NRXN3: variants seen among roughly 807,000 people sequenced by gnomAD.
NRXN3 encodes the protein neurexin 3.
NRXN3 carries 32 observed loss-of-function variants against 137.6 expected under a neutral mutation model. That is an observed-to-expected ratio of 0.23 (90% CI 0.18 to 0.31). The LOEUF (loss-of-function observed/expected upper bound fraction) is 0.31. Among genes scored for constraint, NRXN3 ranks in the 10% least tolerant of loss-of-function variants. The pLI is 1.00. For synonymous variants in NRXN3, 798 were observed against 784.5 expected, an observed-to-expected ratio of 1.02 and a Z score of -0.29; for missense variants, 1,574 against 2,062.5, an observed-to-expected ratio of 0.76 and a Z score of 4.59.
intron 4 of NRXN3, among the ~76,000 whole-genome samples, chr14:78,368,130 C>G (rs562308238): frequency 1.3e-5 from 2 of 152,310 alleles, no homozygotes; most frequent in South Asian, 2.1e-4. Flanking sequence ...ATTATTTAGT[C>G]TTTTTACTAA....
intron 10 of NRXN3, among the ~76,000 whole-genome samples, chr14:78,840,033 A>G (rs1269712750): frequency 6.6e-6 from 1 of 152,216 alleles, no homozygotes; most frequent in Non-Finnish European, 1.5e-5. Flanking sequence ...TTGTTTTTCT[A>G]TTCTCAGAAT....
chr14:78,619,295 T>C (rs551801378), intron 4 of NRXN3, among the ~76,000 whole-genome samples: 4 of 152,320 alleles, frequency 2.6e-5, no homozygotes, highest in South Asian at 2.1e-4. Context: ...TTCTTGCTGC[T>C]ATAGACTGAA....
chr14:79,702,246 T>C (rs892268518), intron 19 of NRXN3, among the ~76,000 whole-genome samples: 1 of 152,066 alleles, frequency 6.6e-6, no homozygotes, highest in Non-Finnish European at 1.5e-5. Flanking sequence ...TCTTTGAAAA[T>C]ATGTTCTGTC....
intron 16 of NRXN3, among the ~76,000 whole-genome samples, chr14:79,574,138 C>T (rs1246737964): frequency 6.6e-6 from 1 of 151,752 alleles, no homozygotes; most frequent in East Asian, 1.9e-4. Context: ...ATAAGTAGGC[C>T]AGAATATGAT....
At chr14:78,659,448 G>A (rs1418359100) in intron 6 of NRXN3, among the ~76,000 whole-genome samples, 1 of 152,136 alleles carries the variant, frequency 6.6e-6, no homozygotes, top group Non-Finnish European at 1.5e-5. Context: ...GGAGGCTGAG[G>A]TGGGAGGATT....
At chr14:78,834,108 GA>G (rs2098989692) in intron 10 of NRXN3, among the ~76,000 whole-genome samples, 1 of 152,174 alleles carries the variant, frequency 6.6e-6, no homozygotes, top group Non-Finnish European at 1.5e-5. Flanking sequence ...GTGAACAAGG[GA>G]GGGGTGGTGG....
In NRXN3 at chr14:78,803,662, T is replaced by A; in HGVS notation, c.2087T>A (p.Ile696Asn). Reference protein sequence around the residue: ...LSYDGSMYMKIIMPMVMHTEA... With the variant: ...LSYDGSMYMKNIMPMVMHTEA... ...TATGATGGTAGCATGTACATGAAGA[T>A]CATCATGCCCATGGTCATGCATACT... The change falls in exon 9 of 21, where the codon ATC becomes AAC. Residue 696 changes from isoleucine to asparagine, a missense_variant. Physicochemically the swap from Ile to Asn is moderately radical, Grantham distance 149. This residue lies in a region of NRXN3 where 718 missense variants were observed against 887.6 expected (regional missense o/e 0.81). Coordinates refer to ENST00000335750, the MANE Select transcript of NRXN3 (RefSeq NM_001330195.2). 1 of 1,614,148 alleles carries A rather than the reference T, an allele frequency of 6.2e-7. No homozygotes were observed. The highest frequency in any genetic ancestry group is 8.5e-7 in the Non-Finnish European group (1 of 1,180,006).
intron 19 of NRXN3, among the ~76,000 whole-genome samples, chr14:79,721,681 G>T (rs1174138646): frequency 6.6e-6 from 1 of 152,148 alleles, no homozygotes; most frequent in East Asian, 1.9e-4. Context: ...AAAGTGGCTG[G>T]CTATAAGCAA....
At position 79,866,990 on chromosome 14, in the gene NRXN3, A is replaced by G. The variant is rs1460765524; in HGVS notation, c.*5026A>G. 6.6e-6 allele frequency: 1 copy of G among 152,222 alleles called. No homozygotes were observed. 9.4% of individuals were successfully genotyped at this position (152,222 alleles called of 1,614,324 possible). ...GATCTCTAAATATCAGTAAGGGGTT[A>G]GCTGCCATTAATAATACAACTTTAT... On this transcript the variant is annotated 3_prime_UTR_variant, in exon 21 of 21. Coordinates refer to ENST00000335750, the MANE Select transcript of NRXN3 (RefSeq NM_001330195.2).
chr14:79,825,645 A>G (rs764022095), intron 20 of NRXN3, among the ~76,000 whole-genome samples: 1 of 152,198 alleles, frequency 6.6e-6, no homozygotes, highest in Admixed American at 6.5e-5. Context: ...AACACATCCC[A>G]AAGTGTGTGA....
chr14:79,467,484 C>A, intron 16 of NRXN3, 82 bp downstream of exon 16: 2 of 1,260,742 alleles, frequency 1.6e-6, no homozygotes, highest in South Asian at 1.6e-5. Context: ...GCAGAACATT[C>A]TAGATCAATA....
intron 15 of NRXN3, among the ~76,000 whole-genome samples, chr14:79,024,593 G>C (rs1182701322): frequency 6.6e-6 from 1 of 152,098 alleles, no homozygotes; most frequent in Non-Finnish European, 1.5e-5. Flanking sequence ...GCATTTAGGA[G>C]TTCAGAACAT....
At chr14:79,719,402 G>GTATATATATGTGTGTGTATATA (rs5741998) in intron 19 of NRXN3, among the ~76,000 whole-genome samples, 1,803 of 142,268 alleles carry the variant, frequency 0.013, 30 homozygotes, top group South Asian at 0.063. Flanking sequence ...ATATATGTGT[G>GTATATATATGTGTGTGTATATA]TATATATATA....
At chr14:79,805,886 C>T (rs1332647400) in intron 20 of NRXN3, among the ~76,000 whole-genome samples, 3 of 152,104 alleles carry the variant, frequency 2.0e-5, no homozygotes, top group African/African-American at 7.2e-5. Flanking sequence ...CAATCAGAAG[C>T]TTCAATGTGT....
Position 79,548,020 on chromosome 14 carries a change from CT to C in NRXN3, c.3444+80628del, listed in dbSNP as rs140061915. 5.9e-3 allele frequency among the ~76,000 whole-genome samples: 878 copies of C among 148,418 alleles called. 6 individuals carry two copies. The highest frequency in any genetic ancestry group is 0.021 in the African/African-American group (836 of 40,556). ...GAATAATTGAAGTAGTGTGTTATTTCTTTTTTTTTTAACTATTAATTTTTTT... is the reference window on the plus strand; with the variant it reads ...GAATAATTGAAGTAGTGTGTTATTTCTTTTTTTTTAACTATTAATTTTTTT... On this transcript the variant is annotated intron_variant, in intron 16 of 20. Coordinates refer to ENST00000335750, the MANE Select transcript of NRXN3 (RefSeq NM_001330195.2).
At chr14:79,360,112 C>T (rs1471754693) in intron 15 of NRXN3, among the ~76,000 whole-genome samples, 2 of 152,132 alleles carry the variant, frequency 1.3e-5, no homozygotes, top group African/African-American at 4.8e-5. Flanking sequence ...CTTGAGGCCA[C>T]AAATCAAGGT....
rs772471564 is a variant in NRXN3 at position 79,363,504 on chromosome 14, G to C, written c.3263-103717G>C. Among the ~76,000 whole-genome samples, 4 of 151,666 alleles carry C rather than the reference G, an allele frequency of 2.6e-5. No homozygotes were observed. In the East Asian group the frequency reaches 7.8e-4, roughly 29 times the overall value. ...ACCAGCTGAACAAACAGCCATGTACGTAGGAACAGTTCCAGGCAGCTAAAA... is the reference window on the plus strand; with the variant it reads ...ACCAGCTGAACAAACAGCCATGTACCTAGGAACAGTTCCAGGCAGCTAAAA... On this transcript the variant is annotated intron_variant, in intron 15 of 20. Transcript: ENST00000335750.
At chr14:78,995,893 T>A (rs2099529024) in intron 15 of NRXN3, among the ~76,000 whole-genome samples, 1 of 152,076 alleles carries the variant, frequency 6.6e-6, no homozygotes, top group Admixed American at 6.6e-5. Context: ...AAAGCAAAAA[T>A]CTCTTAACCT....
At chr14:78,991,122 G>A (rs1342665229) in intron 15 of NRXN3, among the ~76,000 whole-genome samples, 1 of 152,150 alleles carries the variant, frequency 6.6e-6, no homozygotes, top group African/African-American at 2.4e-5. Flanking sequence ...AAAAAGTGGT[G>A]GGGGAAATTG....
Sources: allele counts gnomAD v4.1 joint callset (sites outside exome capture counted in the v4.1 genomes callset), GRCh38; gene constraint gnomAD v4.1.1; regional missense constraint gnomAD v4.1.1; transcripts MANE v1.5; gene names NCBI Gene and HGNC (gene_info 2026-07-23, HGNC 2026-07-21).